The following LMNTD1 variants were observed in gnomAD, a reference collection of about 807,000 sequenced individuals.
The protein encoded by LMNTD1 is lamin tail domain containing 1, also known as lamin tail domain-containing protein 1.
A neutral mutation model predicts 50.9 loss-of-function variants in LMNTD1; 35 were observed. The observed-to-expected ratio is 0.69, with a 90% CI of 0.53 to 0.91. The LOEUF (loss-of-function observed/expected upper bound fraction) is 0.91, where lower values mean the gene tolerates loss of function less well. Among genes scored for constraint, LMNTD1 ranks in the 40% least tolerant of loss-of-function variants. The pLI, the probability that LMNTD1 is intolerant of heterozygous loss-of-function variation, is 0.00. For missense variants in LMNTD1, 470 were observed against 475.5 expected (o/e 0.99, Z 0.11); for synonymous variants, 153 against 161.9 (o/e 0.94, Z 0.42).
intron 1 of LMNTD1, among the ~76,000 whole-genome samples, chr12:25,600,141 C>T (rs117961644): frequency 0.013 from 1,904 of 151,968 alleles, 27 homozygotes; most frequent in Non-Finnish European, 0.017. Context: ...AAAAACAAAT[C>T]CACACACCTA....
intron 9 of LMNTD1, among the ~76,000 whole-genome samples, chr12:25,496,000 G>C (rs1321913439): frequency 6.6e-6 from 1 of 152,196 alleles, no homozygotes; most frequent in African/African-American, 2.4e-5. Flanking sequence ...GAAGATCAAT[G>C]AATCAGAGAT....
chr12:25,484,709 G>A (rs1235707144), intron 9 of LMNTD1, among the ~76,000 whole-genome samples: 114 of 134,968 alleles, frequency 8.4e-4, no homozygotes, highest in Middle Eastern at 4.4e-3. Flanking sequence ...CTGTGTCCAT[G>A]TGATCTCATT....
intron 1 of LMNTD1, among the ~76,000 whole-genome samples, chr12:25,602,028 T>G (rs1055208000): frequency 1.3e-5 from 2 of 151,960 alleles, no homozygotes; most frequent in African/African-American, 4.8e-5. Context: ...TTTATAATGT[T>G]AGAAACCATG....
intron 1 of LMNTD1, among the ~76,000 whole-genome samples, chr12:25,566,006 T>C (rs929392664): frequency 1.3e-5 from 2 of 152,202 alleles, no homozygotes; most frequent in Non-Finnish European, 2.9e-5. Context: ...TTTCTCTTAC[T>C]GCTTTTAGAA....
In LMNTD1 at chr12:25,491,719, C is replaced by A. The variant is rs113246444; in HGVS notation, c.*22+12019G>T. ...AAAGAACAGCATGCACAGAAGGCAA[C>A]ACAGGGATAGACCATGGGGAATTCA... On this transcript the variant is annotated intron_variant, in intron 9 of 9. Transcript: ENST00000458174. Among the ~76,000 whole-genome samples, 1,161 of 152,250 alleles carry A rather than the reference C, an allele frequency of 7.6e-3. 12 individuals carry two copies. Among genetic ancestry groups the A allele is most frequent in the African/African-American group, 0.026 (1,093 of 41,558 alleles).
At chr12:25,583,188 A>ATTTTTTT (rs10699058) in intron 1 of LMNTD1, among the ~76,000 whole-genome samples, 15,802 of 138,972 alleles carry the variant, frequency 0.11, 1,283 homozygotes, top group South Asian at 0.23. Context: ...CGCCTGGCTA[A>ATTTTTTT]TTTTTTTTTT....
rs12816833 is a variant in LMNTD1 at position 25,509,360 on chromosome 12, G to A, written c.1190-5560C>T. 8.0e-3 allele frequency among the ~76,000 whole-genome samples: 1,213 copies of A among 152,216 alleles called. 9 individuals are homozygous for A. The highest frequency in any genetic ancestry group is 0.014 in the Middle Eastern group (4 of 292). ...TGACCTCAGGTGATCTGCCTGCCTC[G>A]GCCTCCCAAAGTGCTGGGATTACTG... On this transcript the variant is annotated intron_variant, in intron 8 of 9. Coordinates refer to ENST00000458174, the MANE Select transcript of LMNTD1 (RefSeq NM_001145728.2).
Position 25,619,252 on chromosome 12 carries a change from C to CTCTCTCTCTATATATATATA in LMNTD1, c.58+29241_58+29242insTATATATATATAGAGAGAGA, listed in dbSNP as rs1374134268. Among the ~76,000 whole-genome samples, 10 of 84,442 alleles carry CTCTCTCTCTATATATATATA rather than the reference C, an allele frequency of 1.2e-4. No homozygotes were observed. In the East Asian group the frequency reaches 1.7e-3, roughly 14 times the overall value. The allele number at this position is 84,442 out of a possible 152,430, so 55.4% of individuals were successfully genotyped here. A position where few individuals can be genotyped will look rare whatever the true frequency, so the allele number is the denominator to read the frequency against. ...TCTCTCTCTCTCTCTCTCTCTCTCT[C>CTCTCTCTCTATATATATATA]TATATATATATATATATATATATAT... On this transcript the variant is annotated intron_variant, in intron 1 of 7. Coordinates refer to the LMNTD1 transcript ENST00000445693.
upstream of LMNTD1, among the ~76,000 whole-genome samples, chr12:25,558,049 T>C (rs973383980): frequency 6.6e-6 from 1 of 152,228 alleles, no homozygotes; most frequent in African/African-American, 2.4e-5. Flanking sequence ...CTAGGAACCC[T>C]GTTTAAAATA....
chr12:25,530,230 T>C (rs953092230), intron 4 of LMNTD1, among the ~76,000 whole-genome samples: 24 of 152,346 alleles, frequency 1.6e-4, no homozygotes, highest in African/African-American at 5.8e-4. Context: ...TATTTAATTA[T>C]ATGCACATAT....
intron 4 of LMNTD1, 90 bp from the exon 5 acceptor site, chr12:25,527,045 G>T: frequency 2.2e-6 from 2 of 891,712 alleles, no homozygotes; most frequent in Non-Finnish European, 3.3e-6. Flanking sequence ...CTGCTTGAAA[G>T]TTGTTCTTAA....
At chr12:25,519,034 C>A (rs1941030339) in intron 7 of LMNTD1, 67 bp from the exon 8 acceptor site, 3 of 1,464,086 alleles carry the variant, frequency 2.0e-6, no homozygotes, top group Non-Finnish European at 2.8e-6. Flanking sequence ...ATGTTGAAGG[C>A]ACAATTAAAG....
chr12:25,641,497 G>A (rs1946958836), intron 1 of LMNTD1, among the ~76,000 whole-genome samples: 1 of 152,132 alleles, frequency 6.6e-6, no homozygotes, highest in Admixed American at 6.5e-5. Context: ...TTCAGTTAAA[G>A]GGGAATAACA....
intron 9 of LMNTD1, among the ~76,000 whole-genome samples, chr12:25,484,992 T>C (rs1283467040): frequency 6.6e-6 from 1 of 152,108 alleles, no homozygotes; most frequent in Non-Finnish European, 1.5e-5. Context: ...TATAGCTGCA[T>C]GATTTATAGT....
At chr12:25,609,194 A>G (rs1326926301) in intron 1 of LMNTD1, among the ~76,000 whole-genome samples, 1 of 152,052 alleles carries the variant, frequency 6.6e-6, no homozygotes, top group Non-Finnish European at 1.5e-5. Context: ...GTGCTTCTCT[A>G]TACTGTTTAT....
At chr12:25,504,554 A>G (rs1939607257) in intron 8 of LMNTD1, among the ~76,000 whole-genome samples, 1 of 152,220 alleles carries the variant, frequency 6.6e-6, no homozygotes, top group South Asian at 2.1e-4. Flanking sequence ...CTAGGTGTAG[A>G]CGATAATGAG....
intron 9 of LMNTD1, among the ~76,000 whole-genome samples, chr12:25,483,291 G>T (rs967539917): frequency 6.6e-6 from 1 of 151,756 alleles, no homozygotes; most frequent in Admixed American, 6.6e-5. Flanking sequence ...AGGCGTGGTT[G>T]TGCGCACCTT....
intron 1 of LMNTD1, among the ~76,000 whole-genome samples, chr12:25,579,903 T>C (rs1945206675): frequency 6.6e-6 from 1 of 152,164 alleles, no homozygotes; most frequent in Non-Finnish European, 1.5e-5. Flanking sequence ...GTGCATTCTC[T>C]ATTGTACCCC....
intron 4 of LMNTD1, among the ~76,000 whole-genome samples, chr12:25,545,590 G>C (rs1943382179): frequency 6.6e-6 from 1 of 151,588 alleles, no homozygotes; most frequent in South Asian, 2.1e-4. Flanking sequence ...CAGAAGCTTT[G>C]AACATTTTAT....
Sources: allele counts gnomAD v4.1 joint callset (sites outside exome capture counted in the v4.1 genomes callset), GRCh38; gene constraint gnomAD v4.1.1; transcripts MANE v1.5; gene names NCBI Gene and HGNC (gene_info 2026-07-23, HGNC 2026-07-21).